PLCB4: variants seen among roughly 807,000 people sequenced by gnomAD.
PLCB4 encodes phospholipase C beta 4.
PLCB4 carries 77 observed loss-of-function variants against 178.8 expected under a neutral mutation model. The observed-to-expected ratio is 0.43, with a 90% CI of 0.36 to 0.52. The LOEUF (loss-of-function observed/expected upper bound fraction) is 0.52, where lower values mean the gene tolerates loss of function less well. Ranked by LOEUF, PLCB4 falls within the 20% of genes least tolerant of loss-of-function variation. The pLI is 0.00. For missense variants in PLCB4, 1,024 were observed against 1,453.4 expected (o/e 0.70, Z 4.80); for synonymous variants, 496 against 490.8 (o/e 1.01, Z -0.14).
At chr20:9,318,111 T>C (rs1291865416) in intron 4 of PLCB4, among the ~76,000 whole-genome samples, 1 of 151,848 alleles carries the variant, frequency 6.6e-6, no homozygotes, top group Non-Finnish European at 1.5e-5. Context: ...ATTGCGCTAT[T>C]GCACTCCAGC....
chr20:9,401,540 T>C lies in PLCB4; in HGVS notation c.1561T>C (p.Ser521Pro), dbSNP rs1194355032. The C allele has an allele frequency of 6.2e-6, 10 of 1,613,958 alleles. No homozygotes were observed. The highest frequency in any genetic ancestry group is 7.6e-6 in the Non-Finnish European group (9 of 1,179,888). Residue 521 changes from serine (S) to proline (P), a missense_variant, in exon 20 of 40, where the codon TCT becomes CCT. Physicochemically the swap from Ser to Pro is moderately conservative, Grantham distance 74. Around this residue, in one of 7 missense-constraint regions of PLCB4, gnomAD observed 263 missense variants for 417.4 expected, o/e 0.63. Coordinates refer to ENST00000378473, the MANE Select transcript of PLCB4 (RefSeq NM_001377142.1). ...HPEFKFGNELSADDLGHKEAV... is the reference protein window; with the variant it reads ...HPEFKFGNELPADDLGHKEAV... ...CGAATTCAAATTTGGAAATGAACTT[T>C]CTGCTGATGACTTGGGTCACAAGGA... is the stretch of plus-strand genomic sequence containing the variant.
chr20:9,410,108 G>A (rs1786216825), intron 24 of PLCB4, among the ~76,000 whole-genome samples: 1 of 152,152 alleles, frequency 6.6e-6, no homozygotes, highest in South Asian at 2.1e-4. Flanking sequence ...GGATTGAGTG[G>A]AAGATCCTTT....
At chr20:9,285,138 T>A (rs937702365) in intron 3 of PLCB4, among the ~76,000 whole-genome samples, 19 of 151,212 alleles carry the variant, frequency 1.3e-4, no homozygotes, top group Non-Finnish European at 1.5e-4. Context: ...TTTTTTTTTT[T>A]AAATTTGTTA....
intron 33 of PLCB4, 23 bp from the exon 34 acceptor site, chr20:9,457,391 C>T: frequency 2.6e-6 from 3 of 1,148,174 alleles, no homozygotes; most frequent in Non-Finnish European, 4.0e-6. Context: ...TTCTGGCATG[C>T]ATTTGCAACT....
At position 9,407,976 on chromosome 20, in the gene PLCB4, T is replaced by C. The variant is rs2039570398; in HGVS notation, c.1707T>C (p.Ala569=). The C allele has an allele frequency of 6.2e-7, 1 of 1,611,786 alleles. No homozygotes were observed. Among genetic ancestry groups the C allele is most frequent in the African/African-American group, 1.3e-5 (1 of 75,024 alleles). Residue 569 remains alanine (A), a synonymous_variant, in exon 22 of 40, where the codon GCT becomes GCC. Coordinates refer to ENST00000378473, the MANE Select transcript of PLCB4 (RefSeq NM_001377142.1). ...AWMASYKYVG[A]TTNIHPYLST... ...TGGCATCTTATAAATATGTAGGTGC[T>C]ACCACTAATATCCATCCATATTTGT...
At chr20:9,167,550 C>G (rs2092993379) in intron 2 of PLCB4, among the ~76,000 whole-genome samples, 1 of 152,104 alleles carries the variant, frequency 6.6e-6, no homozygotes, top group Non-Finnish European at 1.5e-5. Context: ...TGAACGCGTA[C>G]TTATTCATTG....
At chr20:9,227,132 A>G (rs2093876182) in intron 3 of PLCB4, among the ~76,000 whole-genome samples, 1 of 150,696 alleles carries the variant, frequency 6.6e-6, no homozygotes, top group Non-Finnish European at 1.5e-5. Context: ...CCCATTTTTT[A>G]AGTGGGTTGT....
chr20:9,440,160 A>C (rs543022688), intron 30 of PLCB4, among the ~76,000 whole-genome samples: 2 of 152,344 alleles, frequency 1.3e-5, no homozygotes, highest in South Asian at 4.1e-4. Context: ...GACTTATGAC[A>C]GAGTTACATC....
At chr20:9,402,521 G>A (rs2039104806) in intron 20 of PLCB4, among the ~76,000 whole-genome samples, 1 of 152,158 alleles carries the variant, frequency 6.6e-6, no homozygotes, top group Admixed American at 6.5e-5. Flanking sequence ...AGAGAAGGGG[G>A]CAGTGTAGCC....
At chr20:9,389,348 C>A (rs2037946437) in intron 15 of PLCB4, among the ~76,000 whole-genome samples, 1 of 152,076 alleles carries the variant, frequency 6.6e-6, no homozygotes, top group African/African-American at 2.4e-5. Context: ...ACAAGGGATA[C>A]TGCAAATGTC....
chr20:9,441,166 G>A (rs2042078967), intron 30 of PLCB4, among the ~76,000 whole-genome samples: 1 of 152,182 alleles, frequency 6.6e-6, no homozygotes, highest in Non-Finnish European at 1.5e-5. Context: ...AAGTTCATGG[G>A]GCCGGGCAGT....
At chr20:9,125,942 C>T (rs1187594686) in intron 2 of PLCB4, among the ~76,000 whole-genome samples, 1 of 152,066 alleles carries the variant, frequency 6.6e-6, no homozygotes, top group East Asian at 1.9e-4. Flanking sequence ...AACCTAAGGT[C>T]ACTATGTGTC....
At chr20:9,254,798 G>T (rs921867164) in intron 3 of PLCB4, among the ~76,000 whole-genome samples, 2 of 152,166 alleles carry the variant, frequency 1.3e-5, no homozygotes, top group African/African-American at 4.8e-5. Context: ...CCCTTGAAAT[G>T]TGGGGATGTT....
chr20:9,280,313 G>A (rs148454155), intron 3 of PLCB4: 365 of 247,944 alleles, frequency 1.5e-3, no homozygotes, highest in Middle Eastern at 4.0e-3. Context: ...CATTTCCTGC[G>A]GAATTTTGAT....
chr20:9,135,818 C>T (rs931374151), intron 2 of PLCB4, among the ~76,000 whole-genome samples: 4 of 152,046 alleles, frequency 2.6e-5, no homozygotes, highest in African/African-American at 9.7e-5. Context: ...TAAGAAAATC[C>T]TCTGAAGAAT....
chr20:9,192,679 G>T (rs2093421013), intron 2 of PLCB4, among the ~76,000 whole-genome samples: 1 of 151,762 alleles, frequency 6.6e-6, no homozygotes. Flanking sequence ...GCTGGGCATG[G>T]TGGTGCACAC....
chr20:9,103,026 CT>C (rs11484220), intron 2 of PLCB4, among the ~76,000 whole-genome samples: 105 of 139,200 alleles, frequency 7.5e-4, no homozygotes, highest in Middle Eastern at 3.8e-3. Flanking sequence ...TGCCATTGTA[CT>C]TTTTTTTTTT....
chr20:9,191,380 C>T (rs2093401931), intron 2 of PLCB4, among the ~76,000 whole-genome samples: 1 of 108,340 alleles, frequency 9.2e-6, no homozygotes, highest in Admixed American at 1.1e-4. Context: ...TTTTGCTTTC[C>T]ACCGTGTAGG....
chr20:9,476,735 G>T lies in PLCB4; in HGVS notation c.3514G>T (p.Ala1172Ser). The T allele has an allele frequency of 6.2e-7, 1 of 1,609,904 alleles. No individual in the cohort carries two copies. The highest frequency in any genetic ancestry group is 2.2e-5 in the East Asian group (1 of 44,828). The change falls in exon 39 of 40, where the codon GCA (alanine) becomes TCA (serine). Residue 1172 changes from alanine (A) to serine (S), a missense_variant. Coordinates refer to ENST00000378473, the MANE Select transcript of PLCB4 (RefSeq NM_001377142.1). ...CAAACAGCTTTTGAAATCCTGTCAT[G>T]CAGTGTCCCAAACGCAAGGTAGGAC... ...QNEQLLKSCH[A>S]VSQTQGEGDA...
Sources: allele counts gnomAD v4.1 joint callset (sites outside exome capture counted in the v4.1 genomes callset), GRCh38; gene constraint gnomAD v4.1.1; regional missense constraint gnomAD v4.1.1; transcripts MANE v1.5; gene names NCBI Gene and HGNC (gene_info 2026-07-23, HGNC 2026-07-21).